SLC45A4: variants seen among roughly 807,000 people sequenced by gnomAD.
SLC45A4 encodes solute carrier family 45 member 4, also known as polyamine-transporter SLC45A4.
Under a neutral mutation model 63.7 loss-of-function variants are expected in SLC45A4, and 32 were observed. The ratio of observed to expected loss-of-function variants is 0.50; its 90% CI spans 0.38 to 0.67. The LOEUF (loss-of-function observed/expected upper bound fraction) is 0.67, where lower values mean the gene tolerates loss of function less well. Among genes scored for constraint, SLC45A4 ranks in the 30% least tolerant of loss-of-function variants. The pLI is 0.00. For synonymous variants in SLC45A4, 535 were observed against 510.0 expected (o/e 1.05, Z -0.66); for missense variants, 1,027 against 1,157.7 (o/e 0.89, Z 1.64).
intron 1 of SLC45A4, among the ~76,000 whole-genome samples, chr8:141,286,168 C>T (rs1252311667): frequency 6.6e-6 from 1 of 152,228 alleles, no homozygotes; most frequent in African/African-American, 2.4e-5. Context: ...GGCCTGGCTC[C>T]AGCCCTTGGG....
chr8:141,253,838 T>C, intron 2 of SLC45A4, 151 bp downstream of exon 2: 1 of 1,284,782 alleles, frequency 7.8e-7, no homozygotes, highest in Non-Finnish European at 1.0e-6. Context: ...AAAACCACCA[T>C]CAGGGCAGGC....
intron 1 of SLC45A4, among the ~76,000 whole-genome samples, chr8:141,295,742 A>T (rs1026208054): frequency 6.6e-6 from 1 of 152,222 alleles, no homozygotes; most frequent in African/African-American, 2.4e-5. Context: ...AGAGGCTGGA[A>T]GCACCTGGGA....
At position 141,256,733 on chromosome 8, in the gene SLC45A4, C is replaced by CG; in HGVS notation, c.-400-2105dup. On this transcript the variant is annotated intron_variant, in intron 1 of 8. Transcript: ENST00000517878. The surrounding 1 kb of genome is among the most constrained non-coding windows in gnomAD (Gnocchi z 4.3). ...CCCTGAACGTCGCTACGATTCCACA[C>CG]GACAGCCCTCGAGAATTCTTTCAAG... is the stretch of plus-strand genomic sequence containing the variant. The CG allele has an allele frequency of 2.4e-6, 1 of 416,794 alleles. No individual in the cohort carries two copies. Among genetic ancestry groups the CG allele is most frequent in the Non-Finnish European group, 5.0e-6 (1 of 200,932 alleles). 25.8% of individuals were successfully genotyped at this position (416,794 alleles called of 1,614,324 possible).
chr8:141,228,563 T>C, intron 2 of SLC45A4: 1 of 1,233,154 alleles, frequency 8.1e-7, no homozygotes, highest in East Asian at 3.7e-5. Context: ...TGGGCTCCTC[T>C]CTGCCCTATC....
intron 1 of SLC45A4, chr8:141,292,898 GAA>G (rs1830408061): frequency 6.6e-6 from 1 of 152,242 alleles, no homozygotes. Context: ...CATCAGCCTT[GAA>G]GCTGGCTCTA....
intron 1 of SLC45A4, among the ~76,000 whole-genome samples, chr8:141,289,979 T>C (rs1830286029): frequency 6.6e-6 from 1 of 151,846 alleles, no homozygotes; most frequent in African/African-American, 2.4e-5. Context: ...GCAGGGAAAA[T>C]GAGCTAGCAG....
At chr8:141,286,384 G>A (rs927741885) in intron 1 of SLC45A4, among the ~76,000 whole-genome samples, 20 of 152,142 alleles carry the variant, frequency 1.3e-4, no homozygotes, top group Admixed American at 1.3e-3. Flanking sequence ...CCTCACATGC[G>A]CGGTTGTTAC....
At chr8:141,306,846 C>A (rs1830910849) in intron 1 of SLC45A4, among the ~76,000 whole-genome samples, 1 of 152,224 alleles carries the variant, frequency 6.6e-6, no homozygotes, top group Non-Finnish European at 1.5e-5. Flanking sequence ...CCACAAGAAT[C>A]ATCTGACCCC....
chr8:141,272,643 C>CT (rs1829585105), intron 1 of SLC45A4, among the ~76,000 whole-genome samples: 1 of 152,198 alleles, frequency 6.6e-6, no homozygotes, highest in Non-Finnish European at 1.5e-5. Context: ...TGCCACACGG[C>CT]ACCTGCAAGC....
At chr8:141,293,247 G>A (rs1243826059) in intron 1 of SLC45A4, among the ~76,000 whole-genome samples, 1 of 152,122 alleles carries the variant, frequency 6.6e-6, no homozygotes, top group Non-Finnish European at 1.5e-5. Flanking sequence ...GAGGTCAGGG[G>A]TTCGAGACCA....
intron 2 of SLC45A4, among the ~76,000 whole-genome samples, chr8:141,230,799 T>G (rs1827304602): frequency 6.6e-6 from 1 of 152,262 alleles, no homozygotes; most frequent in Non-Finnish European, 1.5e-5. Flanking sequence ...AGAGAAATGC[T>G]GCCAGAGAGC....
rs1241949851 is a variant in SLC45A4, at chr8:141,208,363, C to T, written c.*3209G>A. 2 of 152,096 alleles carry T rather than the reference C, an allele frequency of 1.3e-5. No individual in the cohort carries two copies. The highest frequency in any genetic ancestry group is 2.9e-5 in the Non-Finnish European group (2 of 68,028). The allele number at this position is 152,096 out of a possible 1,614,324, so 9.4% of individuals were successfully genotyped here. A position where few individuals can be genotyped will look rare whatever the true frequency, so the allele number is the denominator to read the frequency against. ...TGGCCTGCAGCTCCCCCTTCCAGCC[C>T]TCTTGTTGCTGCAGGGACGGCTTCC... On this transcript the variant is annotated 3_prime_UTR_variant, in exon 9 of 9. Transcript: ENST00000517878.
rs183925781 is a variant in SLC45A4, at chr8:141,210,669, C to G, written c.*903G>C. ...TTAGTTTCATCTTGAAATATATATACGTGTATATATATATTTGCTCTAGAA... is the reference window on the plus strand; with the variant it reads ...TTAGTTTCATCTTGAAATATATATAGGTGTATATATATATTTGCTCTAGAA... On this transcript the variant is annotated 3_prime_UTR_variant, in exon 9 of 9. Transcript: ENST00000517878. 6.6e-6 allele frequency: 1 copy of G among 151,944 alleles called. No individual in the cohort carries two copies. The highest frequency in any genetic ancestry group is 2.4e-5 in the African/African-American group (1 of 41,340). 9.4% of individuals were successfully genotyped at this position (151,944 alleles called of 1,614,324 possible). A position where few individuals can be genotyped will look rare whatever the true frequency, so the allele number is the denominator to read the frequency against.
chr8:141,224,275 C>G (rs2154614132), intron 2 of SLC45A4: 2 of 152,296 alleles, frequency 1.3e-5, no homozygotes, highest in Middle Eastern at 6.8e-3. Context: ...CTTAAAGATT[C>G]TCTTTACTGC....
intron 2 of SLC45A4, among the ~76,000 whole-genome samples, chr8:141,222,664 G>A (rs1159995228): frequency 1.3e-5 from 2 of 152,238 alleles, no homozygotes; most frequent in Non-Finnish European, 2.9e-5. Flanking sequence ...ACCACAGCAC[G>A]GGAACGAGCG....
Position 141,221,626 on chromosome 8 carries a change from G to A in SLC45A4, c.381C>T (p.Cys127=), listed in dbSNP as rs766533652. 23 of 1,613,908 alleles carry A rather than the reference G, an allele frequency of 1.4e-5. No homozygotes were observed. The highest frequency in any genetic ancestry group is 1.9e-5 in the Non-Finnish European group (22 of 1,180,048). Residue 127 remains cysteine, a synonymous_variant, in exon 3 of 9, where the codon TGC becomes TGT. Transcript: ENST00000517878. ...GRRRPFILAL[C]VGVLFGVALF... Reference sequence around the variant, plus strand: ...GTGCAACGCCAAAGAGGACGCCAACGCAGAGGGCGAGGATGAAGGGCCGCC... The same window carrying A: ...GTGCAACGCCAAAGAGGACGCCAACACAGAGGGCGAGGATGAAGGGCCGCC...
rs73364444 is a variant in SLC45A4, at chr8:141,222,257, G to A, written c.242-492C>T. Among the ~76,000 whole-genome samples, 617 of 152,346 alleles carry A rather than the reference G, an allele frequency of 4.0e-3. 3 individuals are homozygous for A. The highest frequency in any genetic ancestry group is 0.014 in the African/African-American group (575 of 41,584). On this transcript the variant is annotated intron_variant, in intron 2 of 8. Coordinates refer to ENST00000517878, the MANE Select transcript of SLC45A4 (RefSeq NM_001286646.2). ...CTTCACAGAGGCAGGAAGGGCCCACGACTTCTAGACCTCACTGGCTGAAAA... is the reference window on the plus strand; with the variant it reads ...CTTCACAGAGGCAGGAAGGGCCCACAACTTCTAGACCTCACTGGCTGAAAA...
intron 2 of SLC45A4, among the ~76,000 whole-genome samples, chr8:141,241,431 G>A (rs780466869): frequency 6.6e-6 from 1 of 152,316 alleles, no homozygotes; most frequent in East Asian, 1.9e-4. Flanking sequence ...GGAGGCTGCG[G>A]GACAGGAGTG....
chr8:141,273,137 C>T (rs578004558), intron 1 of SLC45A4, among the ~76,000 whole-genome samples: 8 of 152,346 alleles, frequency 5.3e-5, no homozygotes, highest in South Asian at 2.1e-4. Context: ...ATATTCTCCG[C>T]GCCACTGAGC....
Sources: gnomAD v4.1 joint callset for allele counts (sites outside exome capture counted in the v4.1 genomes callset) on GRCh38, gnomAD v4.1.1 for gene constraint, Gnocchi (gnomAD v3.1) non-coding constraint, MANE v1.5 for transcripts, NCBI Gene and HGNC (gene_info 2026-07-23, HGNC 2026-07-21) for gene names.